The following TRIO variants were observed in gnomAD, a reference collection of about 807,000 sequenced individuals.
TRIO encodes trio Rho guanine nucleotide exchange factor.
A neutral mutation model predicts 351.9 loss-of-function variants in TRIO; 58 were observed. The ratio of observed to expected loss-of-function variants is 0.16; its 90% CI spans 0.13 to 0.21. The LOEUF (loss-of-function observed/expected upper bound fraction) is 0.21. Ranked by LOEUF, TRIO falls within the 10% of genes least tolerant of loss-of-function variation. The probability of loss-of-function intolerance (pLI) is 1.00; values close to 1 mark genes in which losing one functional copy is unlikely to be tolerated. For missense variants in TRIO, 3,201 were observed against 4,027.8 expected (o/e 0.79, Z 5.56); for synonymous variants, 1,758 against 1,595.7 (o/e 1.10, Z -2.42).
intron 27 of TRIO, among the ~76,000 whole-genome samples, chr5:14,391,250 A>G (rs1192281863): frequency 6.6e-6 from 1 of 152,190 alleles, no homozygotes; most frequent in African/African-American, 2.4e-5. Context: ...GTGTGTGTGT[A>G]TATGTTATTA....
At chr5:14,372,251 T>TGA (rs1745181190) in intron 18 of TRIO, among the ~76,000 whole-genome samples, 2 of 101,734 alleles carry the variant, frequency 2.0e-5, no homozygotes, top group Non-Finnish European at 4.1e-5. Flanking sequence ...GAGGCGGGGG[T>TGA]GTGAGAGAGA....
intron 10 of TRIO, among the ~76,000 whole-genome samples, chr5:14,335,199 C>T (rs1741285262): frequency 6.6e-6 from 1 of 152,216 alleles, no homozygotes; most frequent in African/African-American, 2.4e-5. Flanking sequence ...CCCATTATCC[C>T]TCAGGTATTG....
intron 1 of TRIO, among the ~76,000 whole-genome samples, chr5:14,209,664 A>G (rs1581358494): frequency 6.6e-6 from 1 of 152,166 alleles, no homozygotes; most frequent in South Asian, 2.1e-4. Flanking sequence ...AGCGGTTGTT[A>G]GTTGAGCTCC....
chr5:14,234,880 A>G (rs987336428), intron 1 of TRIO, among the ~76,000 whole-genome samples: 2 of 152,248 alleles, frequency 1.3e-5, no homozygotes, highest in Non-Finnish European at 2.9e-5. Context: ...GATTATTTTC[A>G]AGGAATGTCT....
At position 14,487,499 on chromosome 5, in the gene TRIO, A is replaced by AGCGGGG. The variant is rs1469876481; in HGVS notation, c.6876_6881dup (p.Gly2297_Gly2298dup). 1.0e-5 allele frequency: 11 copies of AGCGGGG among 1,079,932 alleles called. No homozygotes were observed. In the Admixed American group the frequency reaches 3.2e-4, roughly 31 times the overall value. The allele number at this position is 1,079,932 out of a possible 1,614,324, so 66.9% of individuals were successfully genotyped here. On this transcript the variant is annotated inframe_insertion, in exon 48 of 57. Coordinates refer to ENST00000344204, the MANE Select transcript of TRIO (RefSeq NM_007118.4). ...GCCAATCGAGTACCAGAGGAACCAC[A>AGCGGGG]GCGGGGGCGGCGGCGGCGGCGGCAG... is the stretch of plus-strand genomic sequence containing the variant.
intron 15 of TRIO, among the ~76,000 whole-genome samples, chr5:14,366,109 C>G (rs1362852084): frequency 1.3e-5 from 2 of 152,074 alleles, no homozygotes; most frequent in African/African-American, 4.8e-5. Flanking sequence ...TGTTTAAGCC[C>G]TCTCTCAAAG....
chr5:14,484,052 G>T (rs1468948974), intron 46 of TRIO, among the ~76,000 whole-genome samples: 2 of 148,704 alleles, frequency 1.3e-5, no homozygotes. Context: ...CCCCTGCACT[G>T]CACCTATCCC....
At chr5:14,477,259 T>C (rs1263623610) in intron 41 of TRIO, 3 of 268,774 alleles carry the variant, frequency 1.1e-5, no homozygotes, top group Admixed American at 5.1e-5. Context: ...GCAGGTATTG[T>C]TGAGTGGAGA....
intron 43 of TRIO, among the ~76,000 whole-genome samples, 182 bp from the exon 44 acceptor site, chr5:14,481,052 G>A (rs555102614): frequency 6.6e-6 from 1 of 152,224 alleles, no homozygotes; most frequent in East Asian, 1.9e-4. Context: ...TAGCTTGTGT[G>A]CATTGTCTCA....
At chr5:14,215,300 A>G (rs1447507271) in intron 1 of TRIO, among the ~76,000 whole-genome samples, 3 of 152,236 alleles carry the variant, frequency 2.0e-5, no homozygotes, top group Non-Finnish European at 4.4e-5. Flanking sequence ...CATTTCTTTC[A>G]CAAACGTTCT....
chr5:14,432,574 T>C (rs566031554), intron 34 of TRIO, among the ~76,000 whole-genome samples: 1 of 152,352 alleles, frequency 6.6e-6, no homozygotes, highest in Admixed American at 6.5e-5. Context: ...TCCAAATGCA[T>C]TCCACTGCCC....
rs374834713 is a variant in TRIO at position 14,316,629 on chromosome 5, T to C, written c.1617T>C (p.Asp539=). 125 of 1,614,104 alleles carry C rather than the reference T, an allele frequency of 7.7e-5. No individual in the cohort carries two copies. Among genetic ancestry groups the C allele is most frequent in the Non-Finnish European group, 9.2e-5 (109 of 1,180,058 alleles). Residue 539 remains aspartate (D), a synonymous_variant, in exon 9 of 57, where the codon GAT becomes GAC. Coordinates refer to ENST00000344204, the MANE Select transcript of TRIO (RefSeq NM_007118.4). ...CCAAGGCCGTGCACCATGTCCTGGATGTCATCCACGAGGTGCTGCACCACC... is the reference window on the plus strand; with the variant it reads ...CCAAGGCCGTGCACCATGTCCTGGACGTCATCCACGAGGTGCTGCACCACC... ...NYSKAVHHVL[D]VIHEVLHHQR...
intron 55 of TRIO, among the ~76,000 whole-genome samples, chr5:14,506,607 G>A (rs920620821): frequency 6.6e-6 from 1 of 152,190 alleles, no homozygotes; most frequent in Non-Finnish European, 1.5e-5. Flanking sequence ...GCAGTGCTGG[G>A]TAAGTGTTTT....
intron 4 of TRIO, among the ~76,000 whole-genome samples, chr5:14,289,137 C>G (rs1162258549): frequency 6.6e-6 from 1 of 151,984 alleles, no homozygotes; most frequent in Non-Finnish European, 1.5e-5. Flanking sequence ...CCTGTAATCC[C>G]AGCACTTTGG....
rs898361120 is a variant in TRIO at position 14,145,114 on chromosome 5, G to T, written c.157+1232G>T. Among the ~76,000 whole-genome samples, 9 of 152,150 alleles carry T rather than the reference G, an allele frequency of 5.9e-5. No homozygotes were observed. The South Asian group carries it at 8.3e-4, about 14-fold the overall frequency. The stretch of plus-strand genomic sequence containing the variant: ...ACCGACAGGCCGGGGGAGCGGCCCT[G>T]CGCTGGGGGACGCGCGGGAGGTCGG... On this transcript the variant is annotated intron_variant, in intron 1 of 56. Transcript: ENST00000344204.
At chr5:14,161,172 T>A (rs541105894) in intron 1 of TRIO, among the ~76,000 whole-genome samples, 1 of 152,340 alleles carries the variant, frequency 6.6e-6, no homozygotes, top group Non-Finnish European at 1.5e-5. Context: ...CCCAAAGTGC[T>A]GGGATTACAG....
chr5:14,256,938 G>T (rs1480664992), intron 1 of TRIO, among the ~76,000 whole-genome samples: 1 of 152,218 alleles, frequency 6.6e-6, no homozygotes, highest in Non-Finnish European at 1.5e-5. Context: ...TGGGCCAAGG[G>T]TGTGGCACCA....
chr5:14,378,534 A>T (rs1303739596), intron 20 of TRIO, among the ~76,000 whole-genome samples: 1 of 151,894 alleles, frequency 6.6e-6, no homozygotes, highest in African/African-American at 2.4e-5. Context: ...TAAGTAGGAA[A>T]TGTGACAGAA....
chr5:14,417,930 C>T (rs1354164868), intron 33 of TRIO, among the ~76,000 whole-genome samples: 1 of 152,204 alleles, frequency 6.6e-6, no homozygotes, highest in African/African-American at 2.4e-5. Context: ...AGTCACATGC[C>T]TACCACCACT....
Sources: gnomAD v4.1 joint callset for allele counts (sites outside exome capture counted in the v4.1 genomes callset) on GRCh38, gnomAD v4.1.1 for gene constraint, MANE v1.5 for transcripts, NCBI Gene and HGNC (gene_info 2026-07-23, HGNC 2026-07-21) for gene names.